The following MGLL variants were observed in gnomAD, a reference collection of about 807,000 sequenced individuals.
MGLL encodes the protein monoglyceride lipase.
A neutral mutation model predicts 29.1 loss-of-function variants in MGLL; 7 were observed. The observed-to-expected ratio is 0.24, with a 90% confidence interval of 0.14 to 0.45. The LOEUF (loss-of-function observed/expected upper bound fraction) is 0.45, where lower values mean the gene tolerates loss of function less well. Among genes scored for constraint, MGLL ranks in the 20% least tolerant of loss-of-function variants. The pLI, the probability that MGLL is intolerant of heterozygous loss-of-function variation, is 0.99. For synonymous variants in MGLL, 148 were observed against 168.3 expected (o/e 0.88, Z 0.93); for missense variants, 356 against 413.6 (o/e 0.86, Z 1.21).
intron 6 of MGLL, among the ~76,000 whole-genome samples, chr3:127,703,068 A>C (rs1266312339): frequency 6.6e-6 from 1 of 152,114 alleles, no homozygotes; most frequent in Non-Finnish European, 1.5e-5. Flanking sequence ...AAATGGGGAG[A>C]GCTGTTTGCA....
At chr3:127,743,382 C>G (rs1192257823) in intron 3 of MGLL, among the ~76,000 whole-genome samples, 1 of 151,922 alleles carries the variant, frequency 6.6e-6, no homozygotes, top group Non-Finnish European at 1.5e-5. Flanking sequence ...CTAATGAAAG[C>G]CTGGTTTGTT....
intron 2 of MGLL, among the ~76,000 whole-genome samples, chr3:127,794,768 C>T (rs1015772401): frequency 6.6e-6 from 1 of 152,142 alleles, no homozygotes; most frequent in Non-Finnish European, 1.5e-5. Context: ...TATGATGTAA[C>T]ACTGTCTTCT....
chr3:127,784,589 G>A (rs1430386427), intron 2 of MGLL, among the ~76,000 whole-genome samples: 1 of 152,120 alleles, frequency 6.6e-6, no homozygotes, highest in Non-Finnish European at 1.5e-5. Context: ...TGCACAGGAA[G>A]AGCCCGTTGG....
chr3:127,691,844 A>G lies in MGLL; in HGVS notation c.*354T>C, dbSNP rs2075251286. On this transcript the variant is annotated 3_prime_UTR_variant, in exon 8 of 8. Coordinates refer to ENST00000265052, the MANE Select transcript of MGLL (RefSeq NM_007283.7). ...GGAAGGAGGCGCCTCCAGTTATTGC[A>G]GTCTGGTGTCCTGGGAACACCAGGA... The G allele has an allele frequency of 3.3e-6, 1 of 307,014 alleles. No homozygotes were observed. Among genetic ancestry groups the G allele is most frequent in the Non-Finnish European group, 6.2e-6 (1 of 160,370 alleles). The allele number at this position is 307,014 out of a possible 1,614,324, so 19.0% of individuals were successfully genotyped here.
chr3:127,780,899 G>A lies in MGLL; in HGVS notation c.262+890C>T, dbSNP rs557342088. Among the ~76,000 whole-genome samples the A allele has an allele frequency of 3.3e-5, 5 of 152,360 alleles. No individual in the cohort carries two copies. The East Asian group carries it at 9.6e-4, about 29-fold the overall frequency. On this transcript the variant is annotated intron_variant, in intron 3 of 7. Coordinates refer to ENST00000265052, the MANE Select transcript of MGLL (RefSeq NM_007283.7). ...GGAAATCACCGTGTTCAGTCACAGAGAAGTCTTAATTTTAAAAAGTGTTAG... is the reference window on the plus strand; with the variant it reads ...GGAAATCACCGTGTTCAGTCACAGAAAAGTCTTAATTTTAAAAAGTGTTAG...
At chr3:127,799,124 T>C (rs1559977966) in intron 2 of MGLL, among the ~76,000 whole-genome samples, 2 of 152,094 alleles carry the variant, frequency 1.3e-5, no homozygotes, top group Non-Finnish European at 2.9e-5. Flanking sequence ...GTAATGCAAA[T>C]TGCCAGGGAC....
chr3:127,814,209 A>G (rs1576322298), intron 2 of MGLL, among the ~76,000 whole-genome samples: 2 of 152,284 alleles, frequency 1.3e-5, no homozygotes, highest in African/African-American at 4.8e-5. Context: ...TAGCAGATGG[A>G]CACAAAGGTC....
intron 2 of MGLL, among the ~76,000 whole-genome samples, chr3:127,820,032 T>C (rs758873350): frequency 5.9e-5 from 9 of 152,212 alleles, no homozygotes; most frequent in Admixed American, 3.3e-4. Flanking sequence ...TGTTCATACA[T>C]GCTCATGGTT....
At chr3:127,820,649 A>AC (rs926920368) in intron 2 of MGLL, among the ~76,000 whole-genome samples, 29 of 151,936 alleles carry the variant, frequency 1.9e-4, no homozygotes, top group African/African-American at 2.7e-4. Context: ...ATGCTCAACA[A>AC]CCCCCCCACT....
At chr3:127,812,633 A>G (rs895883472) in intron 2 of MGLL, among the ~76,000 whole-genome samples, 1 of 152,156 alleles carries the variant, frequency 6.6e-6, no homozygotes, top group African/African-American at 2.4e-5. Context: ...ACGGTGGGCA[A>G]TCAACAAGCC....
intron 7 of MGLL, 112 bp downstream of exon 7, chr3:127,694,863 C>G: frequency 9.8e-7 from 1 of 1,020,758 alleles, no homozygotes; most frequent in Non-Finnish European, 1.5e-6. Context: ...TGGTCCCTAT[C>G]CTGAGACCTG....
intron 3 of MGLL, among the ~76,000 whole-genome samples, chr3:127,767,086 A>C (rs803059): frequency 0.98 from 149,571 of 152,022 alleles, 73,609 homozygotes; most frequent in Middle Eastern, 1. Flanking sequence ...AAAAAACAAA[A>C]AAACAAAAAA....
intron 3 of MGLL, among the ~76,000 whole-genome samples, chr3:127,772,211 G>A (rs9852837): frequency 0.036 from 5,419 of 152,118 alleles, 188 homozygotes; most frequent in South Asian, 0.16. Flanking sequence ...TGCCAAGGCC[G>A]CACAGGTAGT....
chr3:127,793,436 G>A (rs1022607499), intron 2 of MGLL, among the ~76,000 whole-genome samples: 1 of 152,202 alleles, frequency 6.6e-6, no homozygotes, highest in Non-Finnish European at 1.5e-5. Context: ...GCCAGGCACC[G>A]GGCTAAGGGC....
chr3:127,736,622 G>A (rs996959192), intron 3 of MGLL, among the ~76,000 whole-genome samples: 14 of 152,250 alleles, frequency 9.2e-5, no homozygotes, highest in Non-Finnish European at 1.8e-4. Flanking sequence ...CATTTGTTAA[G>A]CACTTGCGGT....
At chr3:127,770,989 A>G (rs1300427361) in intron 3 of MGLL, among the ~76,000 whole-genome samples, 2 of 152,224 alleles carry the variant, frequency 1.3e-5, no homozygotes, top group East Asian at 3.9e-4. Context: ...CAAGGTGCCC[A>G]GGGTCACAAG....
chr3:127,717,644 C>A (rs1316773806), intron 5 of MGLL, among the ~76,000 whole-genome samples: 8 of 152,162 alleles, frequency 5.3e-5, no homozygotes, highest in African/African-American at 1.9e-4. Context: ...ACCTTGGCAA[C>A]AGGGAGAGGT....
chr3:127,772,095 A>T (rs2076958432), intron 3 of MGLL, among the ~76,000 whole-genome samples: 1 of 152,214 alleles, frequency 6.6e-6, no homozygotes, highest in Non-Finnish European at 1.5e-5. Context: ...ATCAAACCCC[A>T]GGCCCCAAAC....
chr3:127,760,532 C>G (rs942938170), intron 3 of MGLL, among the ~76,000 whole-genome samples: 1 of 152,222 alleles, frequency 6.6e-6, no homozygotes, highest in African/African-American at 2.4e-5. Flanking sequence ...TCTAGCAGAG[C>G]CTTGGCAGGA....
Sources: gnomAD v4.1 joint callset for allele counts (sites outside exome capture counted in the v4.1 genomes callset) on GRCh38, gnomAD v4.1.1 for gene constraint, MANE v1.5 for transcripts, NCBI Gene and HGNC (gene_info 2026-07-23, HGNC 2026-07-21) for gene names.